DAB1: variants seen among roughly 807,000 people sequenced by gnomAD.
The protein encoded by DAB1 is DAB adaptor protein 1, also known as disabled homolog 1.
Under a neutral mutation model 64.6 loss-of-function variants are expected in DAB1, and 15 were observed. That is an observed-to-expected ratio of 0.23 (90% CI 0.16 to 0.36). The LOEUF is 0.36. Among genes scored for constraint, DAB1 ranks in the 10% least tolerant of loss-of-function variants. The pLI is 1.00. For missense variants in DAB1, 596 were observed against 706.7 expected, an observed-to-expected ratio of 0.84 and a Z score of 1.78; for synonymous variants, 235 against 251.9, an observed-to-expected ratio of 0.93 and a Z score of 0.64.
chr1:57,092,685 G>T (rs916195408), intron 4 of DAB1, among the ~76,000 whole-genome samples: 5 of 142,986 alleles, frequency 3.5e-5, no homozygotes, highest in Non-Finnish European at 6.1e-5. Flanking sequence ...GGGGGTGGGG[G>T]GGCATGCCTG....
intron 1 of DAB1, among the ~76,000 whole-genome samples, chr1:57,355,401 C>T (rs892978431): frequency 6.6e-6 from 1 of 151,462 alleles, no homozygotes; most frequent in Non-Finnish European, 1.5e-5. Context: ...TCCGTCCTTC[C>T]GTCCTTCCTT....
At chr1:57,023,947 T>C (rs1343149966) in intron 10 of DAB1, among the ~76,000 whole-genome samples, 3 of 152,160 alleles carry the variant, frequency 2.0e-5, no homozygotes, top group African/African-American at 7.2e-5. Context: ...ATGATTTAGT[T>C]TGAGCCCCTA....
intron 3 of DAB1, chr1:58,480,839 T>C: frequency 1.6e-6 from 1 of 610,696 alleles, no homozygotes. Flanking sequence ...ATAATATCTG[T>C]AATGTACATG....
intron 1 of DAB1, among the ~76,000 whole-genome samples, chr1:57,359,104 A>G (rs1679351392): frequency 6.6e-6 from 1 of 152,086 alleles, no homozygotes; most frequent in Admixed American, 6.6e-5. Context: ...GATTACATCA[A>G]TCTAAAAAGC....
chr1:57,953,271 C>A (rs922442099), intron 5 of DAB1, among the ~76,000 whole-genome samples: 1 of 152,120 alleles, frequency 6.6e-6, no homozygotes, highest in African/African-American at 2.4e-5. Context: ...AGAATGTATA[C>A]GGGGTGTTGG....
chr1:57,848,252 T>G (rs1481266160), intron 1 of DAB1, among the ~76,000 whole-genome samples: 2 of 152,194 alleles, frequency 1.3e-5, no homozygotes, highest in Non-Finnish European at 2.9e-5. Flanking sequence ...CCGAACACAA[T>G]GTAGTGAATC....
chr1:58,188,161 G>A lies in DAB1; in HGVS notation n.310-37573C>T, dbSNP rs146556828. Among the ~76,000 whole-genome samples, 302 of 152,174 alleles carry A rather than the reference G, an allele frequency of 2.0e-3. 4 individuals carry two copies. Among genetic ancestry groups the A allele is most frequent in the Middle Eastern group, 0.017 (5 of 294 alleles). On this transcript the variant is annotated intron_variant and non_coding_transcript_variant, in intron 4 of 20. Transcript: ENST00000485760. ...TGGCCTCAGGTGATCCACCTGCCTTGGCCTCCCAAAGTGCTGGGATTACAG... is the reference window on the plus strand; with the variant it reads ...TGGCCTCAGGTGATCCACCTGCCTTAGCCTCCCAAAGTGCTGGGATTACAG...
intron 2 of DAB1, among the ~76,000 whole-genome samples, chr1:57,155,159 A>G (rs914412170): frequency 2.0e-5 from 3 of 152,306 alleles, no homozygotes; most frequent in African/African-American, 7.2e-5. Context: ...TAATAGACTG[A>G]GGTCTTATAT....
At chr1:57,283,679 G>A (rs1412207312) in intron 2 of DAB1, among the ~76,000 whole-genome samples, 1 of 152,210 alleles carries the variant, frequency 6.6e-6, no homozygotes, top group African/African-American at 2.4e-5. Flanking sequence ...TAAAACATGG[G>A]CTCTTTTCAG....
intron 7 of DAB1, among the ~76,000 whole-genome samples, chr1:57,506,174 G>A (rs2793622): frequency 0.082 from 12,487 of 152,142 alleles, 1,472 homozygotes; most frequent in African/African-American, 0.26. Flanking sequence ...TTGATTTGGC[G>A]TTGCATTGTT....
intron 4 of DAB1, among the ~76,000 whole-genome samples, chr1:58,191,454 T>G (rs1054076395): frequency 6.6e-6 from 1 of 152,146 alleles, no homozygotes; most frequent in East Asian, 1.9e-4. Context: ...CCCGGACCAC[T>G]GAATTCCAGC....
chr1:57,449,521 C>T (rs1455885119), intron 7 of DAB1, among the ~76,000 whole-genome samples: 1 of 151,920 alleles, frequency 6.6e-6, no homozygotes, highest in Admixed American at 6.6e-5. Context: ...GGTGGTACTA[C>T]AGGTGCACTC....
chr1:58,210,314 A>C (rs1338571443), intron 4 of DAB1, among the ~76,000 whole-genome samples: 1 of 152,204 alleles, frequency 6.6e-6, no homozygotes, highest in East Asian at 1.9e-4. Context: ...AGAAGCTGGA[A>C]TTGGTATAGC....
chr1:58,432,022 G>C (rs1386071321), intron 3 of DAB1, among the ~76,000 whole-genome samples: 1 of 152,206 alleles, frequency 6.6e-6, no homozygotes, highest in African/African-American at 2.4e-5. Context: ...GATGGGTTTG[G>C]AACAAATGTG....
At chr1:57,101,388 C>T (rs1654672052) in intron 4 of DAB1, among the ~76,000 whole-genome samples, 1 of 152,174 alleles carries the variant, frequency 6.6e-6, no homozygotes, top group South Asian at 2.1e-4. Context: ...GGCAAACATC[C>T]TGTTAAATGT....
chr1:57,263,437 A>G (rs910018673), intron 2 of DAB1, among the ~76,000 whole-genome samples: 2 of 152,122 alleles, frequency 1.3e-5, no homozygotes, highest in East Asian at 3.9e-4. Context: ...CAACTTTTTT[A>G]CTGAGTTGTT....
chr1:57,437,447 G>A (rs1321302191), intron 7 of DAB1, among the ~76,000 whole-genome samples: 1 of 152,134 alleles, frequency 6.6e-6, no homozygotes, highest in Non-Finnish European at 1.5e-5. Context: ...TCATTGAATT[G>A]TAATATGAAT....
intron 1 of DAB1, among the ~76,000 whole-genome samples, chr1:57,336,912 A>T (rs1269445162): frequency 6.6e-6 from 1 of 151,754 alleles, no homozygotes; most frequent in African/African-American, 2.4e-5. Context: ...ACACGGCAGG[A>T]TTGGAACTCT....
rs535959575 is a variant in DAB1, at chr1:57,820,551, G to C, written n.551+63448C>G. Among the ~76,000 whole-genome samples the C allele has an allele frequency of 2.7e-4, 41 of 152,248 alleles. 1 individual carries two copies. In the South Asian group the frequency reaches 5.2e-3, roughly 19 times the overall value. On this transcript the variant is annotated intron_variant and non_coding_transcript_variant, in intron 6 of 20. Transcript: ENST00000485760. ...ACCTCTATTTAAAATCTACAGCTGG[G>C]TTATATTTTCACCTTCTGGTTTAAA...
Sources: allele counts gnomAD v4.1 joint callset (sites outside exome capture counted in the v4.1 genomes callset), GRCh38; gene constraint gnomAD v4.1.1; transcripts MANE v1.5; gene names NCBI Gene and HGNC (gene_info 2026-07-23, HGNC 2026-07-21).